RNF220: variants seen among roughly 807,000 people sequenced by gnomAD.
The protein encoded by RNF220 is ring finger protein 220, also known as E3 ubiquitin-protein ligase RNF220.
Under a neutral mutation model 67.1 loss-of-function variants are expected in RNF220, and 7 were observed. That is an observed-to-expected ratio of 0.10 (90% CI 0.06 to 0.20). The LOEUF is 0.20. RNF220 is among the 10% of genes least tolerant of loss of function. The pLI is 1.00. For synonymous variants in RNF220, 270 were observed against 283.2 expected, an observed-to-expected ratio of 0.95 and a Z score of 0.47; for missense variants, 565 against 740.3, an observed-to-expected ratio of 0.76 and a Z score of 2.75.
At chr1:44,632,696 C>A in intron 6 of RNF220, 1 of 516,458 alleles carries the variant, frequency 1.9e-6, no homozygotes, top group Non-Finnish European at 3.5e-6. Flanking sequence ...TTTGAATTTG[C>A]AAACTGCTGG....
chr1:44,537,600 G>A (rs1661333693), intron 2 of RNF220, among the ~76,000 whole-genome samples: 1 of 152,114 alleles, frequency 6.6e-6, no homozygotes, highest in South Asian at 2.1e-4. Context: ...AATCTCTTCA[G>A]AGGGAGTCTA....
intron 2 of RNF220, among the ~76,000 whole-genome samples, chr1:44,598,825 C>T (rs1042272537): frequency 2.6e-5 from 4 of 152,138 alleles, no homozygotes; most frequent in Admixed American, 2.0e-4. Context: ...GAGCTTCTAC[C>T]CTTTGACACC....
chr1:44,489,791 G>A (rs1656683038), intron 2 of RNF220, among the ~76,000 whole-genome samples: 2 of 152,046 alleles, frequency 1.3e-5, no homozygotes, highest in African/African-American at 2.4e-5. Context: ...GAATGCAAGG[G>A]CAGAATCTGC....
intron 2 of RNF220, among the ~76,000 whole-genome samples, chr1:44,528,304 C>CA: frequency 6.9e-6 from 1 of 145,822 alleles, no homozygotes; most frequent in South Asian, 2.2e-4. Context: ...AAATTGGCAA[C>CA]TTTTTTTTTT....
At chr1:44,557,196 T>A (rs1318963574) in intron 2 of RNF220, among the ~76,000 whole-genome samples, 2 of 118,840 alleles carry the variant, frequency 1.7e-5, no homozygotes, top group African/African-American at 1.1e-4. Context: ...ATATATATTT[T>A]ATATATATAT....
chr1:44,412,511 G>A lies in RNF220; in HGVS notation c.414G>A (p.Pro138=), dbSNP rs774554172. ...AGAGCTATCAGTCAGCCTTTACGCC[G>A]GCCAAGCGACTTAAGAACTGCCATG... ...DRESYQSAFT[P]AKRLKNCHDT... is the part of the protein sequence containing the mutation. Residue 138 remains proline, a synonymous_variant, in exon 2 of 15, where the codon CCG becomes CCA. Transcript: ENST00000361799. The surrounding 1 kb of genome is among the most constrained non-coding windows in gnomAD (Gnocchi z 5.3). 2.7e-5 allele frequency: 44 copies of A among 1,613,778 alleles called. No individual in the cohort carries two copies. Among genetic ancestry groups the A allele is most frequent in the Middle Eastern group, 1.7e-4 (1 of 6,060 alleles).
chr1:44,415,525 GT>G (rs1161825941), intron 2 of RNF220, among the ~76,000 whole-genome samples: 2 of 150,664 alleles, frequency 1.3e-5, no homozygotes, highest in Admixed American at 6.6e-5. Flanking sequence ...ACACACACAC[GT>G]GTATATATGT....
At chr1:44,573,179 G>A (rs1436720202) in intron 2 of RNF220, among the ~76,000 whole-genome samples, 1 of 152,128 alleles carries the variant, frequency 6.6e-6, no homozygotes, top group Non-Finnish European at 1.5e-5. Context: ...CGTCCCAGGC[G>A]ATGTGCCAGC....
At chr1:44,446,866 A>T (rs1220668019) in intron 2 of RNF220, among the ~76,000 whole-genome samples, 1 of 152,154 alleles carries the variant, frequency 6.6e-6, no homozygotes, top group Non-Finnish European at 1.5e-5. Flanking sequence ...TGGAGTAACC[A>T]TTCTTAAACT....
rs1667250001 is a variant in RNF220, at chr1:44,606,038, G to A, written c.626-8127G>A. 6.6e-6 allele frequency among the ~76,000 whole-genome samples: 1 copy of A among 152,138 alleles called. No individual in the cohort carries two copies. Among genetic ancestry groups the A allele is most frequent in the Non-Finnish European group, 1.5e-5 (1 of 68,026 alleles). On this transcript the variant is annotated intron_variant, in intron 2 of 14. Coordinates refer to ENST00000361799, the MANE Select transcript of RNF220 (RefSeq NM_018150.4). This position sits in a 1 kb window ranked among gnomAD's most constrained non-coding sequence, Gnocchi z 4.2. ...TACCCCTACCTCCTCAACCAGGGATGCCTATTAATCCTGACAAATGATGAC... is the reference window on the plus strand; with the variant it reads ...TACCCCTACCTCCTCAACCAGGGATACCTATTAATCCTGACAAATGATGAC...
In RNF220 at chr1:44,556,226, G is replaced by T. The variant is rs533808972; in HGVS notation, c.626-57939G>T. Among the ~76,000 whole-genome samples the T allele has an allele frequency of 2.0e-5, 3 of 150,206 alleles. No homozygotes were observed. In the South Asian group the frequency reaches 6.3e-4, roughly 32 times the overall value. ...ATTTTTGTTTTTTCAGTAGAGACAG[G>T]TTTCACCAAGTTGGCCAGGCTGGTC... On this transcript the variant is annotated intron_variant, in intron 2 of 14. Coordinates refer to ENST00000361799, the MANE Select transcript of RNF220 (RefSeq NM_018150.4).
intron 2 of RNF220, among the ~76,000 whole-genome samples, chr1:44,571,439 TC>T (rs1247374897): frequency 6.6e-6 from 1 of 152,238 alleles, no homozygotes; most frequent in Non-Finnish European, 1.5e-5. Flanking sequence ...CTGCTCATTT[TC>T]CTTCATTTTG....
At chr1:44,436,720 T>C (rs1572497270) in intron 2 of RNF220, among the ~76,000 whole-genome samples, 1 of 152,100 alleles carries the variant, frequency 6.6e-6, no homozygotes, top group Admixed American at 6.5e-5. Context: ...TGCGTGCAAA[T>C]GAACAGATTA....
At chr1:44,435,228 G>C (rs1650843946) in intron 2 of RNF220, among the ~76,000 whole-genome samples, 1 of 152,176 alleles carries the variant, frequency 6.6e-6, no homozygotes, top group Admixed American at 6.5e-5. Flanking sequence ...ATTGACTTTG[G>C]AGAGCAACAA....
At chr1:44,422,680 C>T (rs1158997428) in intron 2 of RNF220, among the ~76,000 whole-genome samples, 2 of 152,148 alleles carry the variant, frequency 1.3e-5, no homozygotes, top group Non-Finnish European at 2.9e-5. Flanking sequence ...TTGCTCATGG[C>T]CAGAATAGCT....
intron 2 of RNF220, among the ~76,000 whole-genome samples, chr1:44,513,794 G>A (rs529090407): frequency 1.4e-3 from 209 of 152,214 alleles, no homozygotes; most frequent in African/African-American, 4.8e-3. Context: ...ATGTGTGCGC[G>A]TGTGTCTGTG....
chr1:44,472,389 G>T (rs899182182), intron 2 of RNF220, among the ~76,000 whole-genome samples: 45 of 151,878 alleles, frequency 3.0e-4, no homozygotes, highest in Non-Finnish European at 5.4e-4. Flanking sequence ...TTTCTGGTTT[G>T]TTTTTTTGTT....
At position 44,611,192 on chromosome 1, in the gene RNF220, G is replaced by A. The variant is rs1224559084; in HGVS notation, c.626-2973G>A. 4.6e-5 allele frequency among the ~76,000 whole-genome samples: 7 copies of A among 152,342 alleles called. No homozygotes were observed. The East Asian group carries it at 9.7e-4, about 21-fold the overall frequency. On this transcript the variant is annotated intron_variant, in intron 2 of 14. Transcript: ENST00000361799. The stretch of plus-strand genomic sequence containing the variant: ...GAAAATGGGGGTGGGATGGAGGGCA[G>A]AGGCTGCAGAGTCCCTTTGCTGATC...
chr1:44,477,675 C>T (rs1655414362), intron 2 of RNF220, among the ~76,000 whole-genome samples: 1 of 152,150 alleles, frequency 6.6e-6, no homozygotes, highest in South Asian at 2.1e-4. Context: ...AGGTCTAATC[C>T]AAAGATGTTC....
Sources: allele counts gnomAD v4.1 joint callset (sites outside exome capture counted in the v4.1 genomes callset), GRCh38; gene constraint gnomAD v4.1.1; non-coding constraint Gnocchi (gnomAD v3.1); transcripts MANE v1.5; gene names NCBI Gene and HGNC (gene_info 2026-07-23, HGNC 2026-07-21).